UCK2: variants seen among roughly 807,000 people sequenced by gnomAD.
UCK2 encodes cytidine monophosphokinase 2.
A neutral mutation model predicts 30.8 loss-of-function variants in UCK2; 6 were observed. The observed-to-expected ratio is 0.19, with a 90% CI of 0.11 to 0.38. The LOEUF is 0.38. Ranked by LOEUF, UCK2 falls within the 10% of genes least tolerant of loss-of-function variation. The pLI is 1.00. For missense variants in UCK2, 210 were observed against 339.8 expected (o/e 0.62, Z 3.00); for synonymous variants, 125 against 133.6 (o/e 0.94, Z 0.45).
chr1:165,868,738 TTTC>T lies in UCK2; in HGVS notation c.100-21462_100-21460del, dbSNP rs1203709309. Reference sequence around the variant, plus strand: ...GTTTGATATTCTATCCAGACCAAACTTTCTTCGTATCAGTAATAAGGCTGTTTT... The same window carrying T: ...GTTTGATATTCTATCCAGACCAAACTTTCGTATCAGTAATAAGGCTGTTTT... On this transcript the variant is annotated intron_variant, in intron 1 of 6. Coordinates refer to ENST00000367879, the MANE Select transcript of UCK2 (RefSeq NM_012474.5). Among the ~76,000 whole-genome samples, 6 of 152,374 alleles carry T rather than the reference TTTC, an allele frequency of 3.9e-5. No homozygotes were observed. In the East Asian group the frequency reaches 1.2e-3, roughly 29 times the overall value.
chr1:165,903,048 G>A, intron 4 of UCK2, 134 bp from the exon 5 acceptor site: 1 of 656,744 alleles, frequency 1.5e-6, no homozygotes, highest in Non-Finnish European at 2.6e-6. Context: ...TCTTGGTCAA[G>A]CCTCTCAGGA....
intron 1 of UCK2, among the ~76,000 whole-genome samples, chr1:165,880,228 C>A (rs183590343): frequency 6.6e-6 from 1 of 152,280 alleles, no homozygotes; most frequent in Admixed American, 6.5e-5. Flanking sequence ...CGTTTTGTGT[C>A]TCATACCCAG....
chr1:165,854,193 C>T (rs1654667977), intron 1 of UCK2, among the ~76,000 whole-genome samples: 1 of 152,180 alleles, frequency 6.6e-6, no homozygotes, highest in African/African-American at 2.4e-5. Flanking sequence ...CACCAGGCAC[C>T]TCAGAGCACA....
chr1:165,852,868 G>A (rs1654632619), intron 1 of UCK2, among the ~76,000 whole-genome samples: 2 of 152,306 alleles, frequency 1.3e-5, no homozygotes, highest in Non-Finnish European at 2.9e-5. Context: ...CAGCTCTATG[G>A]AAACTACTTG....
At chr1:165,876,787 G>A (rs1655347188) in intron 1 of UCK2, among the ~76,000 whole-genome samples, 1 of 152,180 alleles carries the variant, frequency 6.6e-6, no homozygotes, top group Non-Finnish European at 1.5e-5. Context: ...TGGAAGATCT[G>A]AAGGAGACCC....
chr1:165,846,901 G>A (rs1165722675), intron 1 of UCK2, among the ~76,000 whole-genome samples: 1 of 152,180 alleles, frequency 6.6e-6, no homozygotes, highest in Non-Finnish European at 1.5e-5. Flanking sequence ...TATGGGCTTA[G>A]CCTGTATGCG....
intron 1 of UCK2, among the ~76,000 whole-genome samples, chr1:165,869,659 C>CTTTTTT (rs71100867): frequency 2.7e-5 from 2 of 73,970 alleles, no homozygotes; most frequent in Non-Finnish European, 4.8e-5. Context: ...CATCATGGGC[C>CTTTTTT]TTTTTTTTTT....
intron 1 of UCK2, among the ~76,000 whole-genome samples, chr1:165,853,840 C>T (rs758688812): frequency 2.6e-5 from 4 of 152,172 alleles, no homozygotes; most frequent in Non-Finnish European, 4.4e-5. Flanking sequence ...TTCCCTAGAA[C>T]TCTTAACTTA....
In UCK2 at chr1:165,899,259, T is replaced by C. The variant is rs3790661; in HGVS notation, c.499+2927T>C. ...CCTTGATCTTCTCGGGATTGGTTTC[T>C]AGCCTCATTTGCCTTCATATTCCCT... On this transcript the variant is annotated intron_variant, in intron 4 of 6. Coordinates refer to ENST00000367879, the MANE Select transcript of UCK2 (RefSeq NM_012474.5). 8.8e-3 allele frequency among the ~76,000 whole-genome samples: 1,347 copies of C among 152,284 alleles called. 36 individuals carry two copies. Among genetic ancestry groups the C allele is most frequent in the Admixed American group, 0.057 (871 of 15,288 alleles).
In UCK2 at chr1:165,903,231, T is replaced by A. The variant is rs139644703; in HGVS notation, c.549T>A (p.Ser183=). The change falls in exon 5 of 7, where the codon TCT becomes TCA. Residue 183 remains serine (S), a synonymous_variant. Coordinates refer to ENST00000367879, the MANE Select transcript of UCK2 (RefSeq NM_012474.5). ...ERGRDLEQIL[S]QYITFVKPAF... ...GCAGGGATCTTGAGCAGATTTTATC[T>A]CAGTACATTACGTTCGTCAAGCCTG... The A allele has an allele frequency of 1.8e-5, 29 of 1,614,080 alleles. No individual in the cohort carries two copies. The highest frequency in any genetic ancestry group is 3.3e-4 in the Middle Eastern group (2 of 6,082).
Position 165,895,607 on chromosome 1 carries a change from G to A in UCK2, c.357-583G>A, listed in dbSNP as rs535141113. ...TGGGGTAGAGCCAGACCAGACAGAC[G>A]TCGGGATTCTGTACTTCCTCACAAA... On this transcript the variant is annotated intron_variant, in intron 3 of 6. Transcript: ENST00000367879. The A allele has an allele frequency of 1.2e-4, 122 of 985,602 alleles. No homozygotes were observed. The African/African-American group carries it at 2.1e-3, about 17-fold the overall frequency. 61.1% of individuals were successfully genotyped at this position (985,602 alleles called of 1,614,324 possible).
At chr1:165,844,553 T>C (rs1654401806) in intron 1 of UCK2, among the ~76,000 whole-genome samples, 1 of 152,164 alleles carries the variant, frequency 6.6e-6, no homozygotes. Flanking sequence ...GGAGCATCTT[T>C]TGTTCTAACA....
chr1:165,876,347 GTA>G (rs1232086546), intron 1 of UCK2, among the ~76,000 whole-genome samples: 15 of 152,164 alleles, frequency 9.9e-5, no homozygotes, highest in African/African-American at 3.6e-4. Context: ...CCTGTGCTCA[GTA>G]TAGTTTTACT....
Position 165,905,675 on chromosome 1 carries a change from A to T in UCK2, c.598-246A>T, listed in dbSNP as rs527335212. 1.5e-4 allele frequency among the ~76,000 whole-genome samples: 23 copies of T among 152,324 alleles called. No individual in the cohort carries two copies. The South Asian group carries it at 4.8e-3, about 32-fold the overall frequency. Reference sequence around the variant, plus strand: ...TCAATCCTTCTTTCTCATTTTCCTCATTCCCTGCTTATCTTCTTTCATTCA... The same window carrying T: ...TCAATCCTTCTTTCTCATTTTCCTCTTTCCCTGCTTATCTTCTTTCATTCA... On this transcript the variant is annotated intron_variant, in intron 5 of 6. Coordinates refer to ENST00000367879, the MANE Select transcript of UCK2 (RefSeq NM_012474.5).
chr1:165,902,151 G>A (rs566508542), intron 4 of UCK2, among the ~76,000 whole-genome samples: 1 of 152,118 alleles, frequency 6.6e-6, no homozygotes, highest in Admixed American at 6.5e-5. Context: ...CAGGAGAATC[G>A]CTTGAACCCC....
chr1:165,837,871 C>G (rs907201146), intron 1 of UCK2, among the ~76,000 whole-genome samples: 9 of 152,284 alleles, frequency 5.9e-5, no homozygotes, highest in Non-Finnish European at 1.2e-4. Flanking sequence ...AATCTTTAAC[C>G]TCACCATCTC....
intron 1 of UCK2, among the ~76,000 whole-genome samples, chr1:165,870,636 G>C (rs1166336923): frequency 6.6e-6 from 1 of 152,240 alleles, no homozygotes; most frequent in African/African-American, 2.4e-5. Context: ...ACTACAGGGA[G>C]CTTCCCTGAG....
At position 165,827,676 on chromosome 1, in the gene UCK2, C is replaced by T. The variant is rs993227281; in HGVS notation, c.-158C>T. On this transcript the variant is annotated 5_prime_UTR_variant, in exon 1 of 7. Coordinates refer to ENST00000367879, the MANE Select transcript of UCK2 (RefSeq NM_012474.5). Reference sequence around the variant, plus strand: ...TTGGCTCCTTCGGGAAACCCAGCCCCGTCACCGGGCTCCGAGCGGCTCGCA... The same window carrying T: ...TTGGCTCCTTCGGGAAACCCAGCCCTGTCACCGGGCTCCGAGCGGCTCGCA... 3 of 548,338 alleles carry T rather than the reference C, an allele frequency of 5.5e-6. No homozygotes were observed. Among genetic ancestry groups the T allele is most frequent in the African/African-American group, 3.9e-5 (2 of 50,732 alleles). 34.0% of individuals were successfully genotyped at this position (548,338 alleles called of 1,614,324 possible). A position where few individuals can be genotyped will look rare whatever the true frequency, so the allele number is the denominator to read the frequency against.
chr1:165,860,269 T>C (rs866364072), intron 1 of UCK2, among the ~76,000 whole-genome samples: 3 of 152,162 alleles, frequency 2.0e-5, no homozygotes, highest in African/African-American at 7.2e-5. Flanking sequence ...CTCCACAGCC[T>C]TGTCTTGAAG....
Sources: gnomAD v4.1 joint callset for allele counts (sites outside exome capture counted in the v4.1 genomes callset) on GRCh38, gnomAD v4.1.1 for gene constraint, MANE v1.5 for transcripts, NCBI Gene and HGNC (gene_info 2026-07-23, HGNC 2026-07-21) for gene names.